The following HIVEP3 variants were observed in gnomAD, a reference collection of about 807,000 sequenced individuals.
The protein encoded by HIVEP3 is transcription factor HIVEP3.
In HIVEP3, 49 loss-of-function variants were observed where a neutral mutation model predicts 152.8. The observed-to-expected ratio is 0.32, with a 90% CI of 0.26 to 0.41. The LOEUF is 0.41. HIVEP3 is among the 10% of genes least tolerant of loss of function. The pLI, the probability that HIVEP3 is intolerant of heterozygous loss-of-function variation, is 1.00. For synonymous variants in HIVEP3, 1,269 were observed against 1,289.0 expected, an observed-to-expected ratio of 0.98 and a Z score of 0.33; for missense variants, 2,790 against 3,103.3, an observed-to-expected ratio of 0.90 and a Z score of 2.40.
intron 1 of HIVEP3, among the ~76,000 whole-genome samples, chr1:41,742,356 C>T (rs537028180): frequency 6.6e-6 from 1 of 152,340 alleles, no homozygotes; most frequent in African/African-American, 2.4e-5. Context: ...CAAAAAAGAG[C>T]TTCAACAGCT....
At chr1:41,732,371 T>A (rs1419084021) in intron 1 of HIVEP3, among the ~76,000 whole-genome samples, 1 of 152,138 alleles carries the variant, frequency 6.6e-6, no homozygotes, top group Non-Finnish European at 1.5e-5. Context: ...AGCCAGGATT[T>A]GAACTGAGGA....
At chr1:41,615,815 CTTTTTTT>C (rs747478470) in intron 3 of HIVEP3, among the ~76,000 whole-genome samples, 1 of 46,990 alleles carries the variant, frequency 2.1e-5, no homozygotes, top group Non-Finnish European at 3.9e-5. Flanking sequence ...TTTGACAAGT[CTTTTTTT>C]TTTTTTTTTT....
At chr1:41,777,170 A>C (rs1284039685) in intron 1 of HIVEP3, among the ~76,000 whole-genome samples, 2 of 152,132 alleles carry the variant, frequency 1.3e-5, no homozygotes, top group Non-Finnish European at 2.9e-5. Flanking sequence ...GCTCTCCCAG[A>C]GGCTCTCCTT....
chr1:41,553,218 C>T (rs1643915587), intron 5 of HIVEP3, among the ~76,000 whole-genome samples: 1 of 152,194 alleles, frequency 6.6e-6, no homozygotes, highest in African/African-American at 2.4e-5. Flanking sequence ...ATAGTTAGCT[C>T]TTCTTGTTGA....
At chr1:41,910,892 G>A (rs1644785280) in intron 1 of HIVEP3, among the ~76,000 whole-genome samples, 2 of 151,922 alleles carry the variant, frequency 1.3e-5, no homozygotes, top group South Asian at 2.1e-4. Flanking sequence ...CATTCTCAAG[G>A]GAAAACGTTG....
At chr1:41,761,706 TG>T (rs1647694874) in intron 1 of HIVEP3, among the ~76,000 whole-genome samples, 1 of 152,140 alleles carries the variant, frequency 6.6e-6, no homozygotes, top group Admixed American at 6.5e-5. Flanking sequence ...TGTGTGTGCA[TG>T]TATATGCATG....
intron 2 of HIVEP3, among the ~76,000 whole-genome samples, chr1:41,640,171 C>G (rs1417446633): frequency 6.6e-5 from 10 of 151,612 alleles, no homozygotes; most frequent in Admixed American, 6.6e-4. Context: ...TGGGGAGCAC[C>G]CAGCCCAGGA....
intron 1 of HIVEP3, among the ~76,000 whole-genome samples, chr1:41,837,846 GC>G (rs1352199211): frequency 1.3e-5 from 2 of 152,124 alleles, no homozygotes; most frequent in East Asian, 3.8e-4. Flanking sequence ...ATTCCACATG[GC>G]ACCACCTCTG....
intron 1 of HIVEP3, among the ~76,000 whole-genome samples, chr1:41,915,785 C>T (rs993786642): frequency 6.6e-6 from 1 of 152,200 alleles, no homozygotes; most frequent in Admixed American, 6.5e-5. Context: ...ACCTACTTTA[C>T]AGATAAGGAA....
At position 41,583,715 on chromosome 1, in the gene HIVEP3, C is replaced by T. The variant is rs146324975; in HGVS notation, c.1083G>A (p.Lys361=). 195 of 1,609,888 alleles carry T rather than the reference C, an allele frequency of 1.2e-4. No homozygotes were observed. In the African/African-American group the frequency reaches 2.4e-3, roughly 20 times the overall value. ...CGCTTAAGCGGAGGGCCAGCTTCTG[C>T]TTAATCGTGTGGGTGTCTTCAGGTT... is the stretch of plus-strand genomic sequence containing the variant. ...SHKPEDTHTI[K]QKLALRLSER... The change falls in exon 4 of 9, where the codon AAG becomes AAA. Residue 361 remains lysine, a synonymous_variant. Coordinates refer to ENST00000372583, the MANE Select transcript of HIVEP3 (RefSeq NM_024503.5). The surrounding 1 kb of genome is among the most constrained non-coding windows in gnomAD (Gnocchi z 6.9).
At chr1:41,595,508 A>T (rs2149119574) in intron 3 of HIVEP3, among the ~76,000 whole-genome samples, 1 of 152,144 alleles carries the variant, frequency 6.6e-6, no homozygotes, top group East Asian at 1.9e-4. Context: ...GAGTCAGCAT[A>T]CCCTTGTTTG....
intron 6 of HIVEP3, among the ~76,000 whole-genome samples, chr1:41,522,033 G>A (rs1365049914): frequency 6.6e-6 from 1 of 152,240 alleles, no homozygotes; most frequent in East Asian, 1.9e-4. Context: ...CACAAGAGAC[G>A]AGACACACAC....
At chr1:41,823,437 A>C (rs1642665979) in intron 1 of HIVEP3, among the ~76,000 whole-genome samples, 1 of 152,250 alleles carries the variant, frequency 6.6e-6, no homozygotes, top group African/African-American at 2.4e-5. Context: ...CCCAGGTTGC[A>C]CAGTGAGTAG....
rs1558046552 is a variant in HIVEP3 at position 41,544,884 on chromosome 1, TCTACCACCACCATCACCACCACCA to T, written c.5208-19998_5208-19975del. ...CACCACCACCACCACCACTACCACCTCTACCACCACCATCACCACCACCACTACCACCTCTACCACCACCATCAC... is the reference window on the plus strand; with the variant it reads ...CACCACCACCACCACCACTACCACCTCTACCACCTCTACCACCACCATCAC... On this transcript the variant is annotated intron_variant, in intron 5 of 8. Transcript: ENST00000372583. Among the ~76,000 whole-genome samples, 11 of 4,530 alleles carry T rather than the reference TCTACCACCACCATCACCACCACCA, an allele frequency of 2.4e-3. 1 individual carries two copies. The highest frequency in any genetic ancestry group is 3.9e-3 in the Admixed American group (2 of 512). The allele number at this position is 4,530 out of a possible 152,430, so 3.0% of individuals were successfully genotyped here.
intron 3 of HIVEP3, among the ~76,000 whole-genome samples, chr1:41,609,222 C>G (rs1027699254): frequency 6.6e-6 from 1 of 152,204 alleles, no homozygotes; most frequent in African/African-American, 2.4e-5. Flanking sequence ...GAAGATGAAC[C>G]CTTCCCATGC....
chr1:41,544,699 T>TCAC (rs61503937), intron 5 of HIVEP3, among the ~76,000 whole-genome samples: 81,341 of 99,568 alleles, frequency 0.82, 32,029 homozygotes, highest in East Asian at 0.94. Flanking sequence ...ACTGCTACCA[T>TCAC]CACCACCACC....
chr1:41,742,466 C>T (rs1647011403), intron 1 of HIVEP3, among the ~76,000 whole-genome samples: 1 of 152,230 alleles, frequency 6.6e-6, no homozygotes. Context: ...CTGCCTCCCT[C>T]CCAGCATCTG....
intron 1 of HIVEP3, among the ~76,000 whole-genome samples, chr1:41,824,735 C>A (rs1214071060): frequency 1.9e-5 from 2 of 107,352 alleles, no homozygotes; most frequent in Admixed American, 1.1e-4. Context: ...AGCCCTGTTC[C>A]AAGTTAAATA....
chr1:41,545,581 CCA>C (rs1643760429), intron 5 of HIVEP3, among the ~76,000 whole-genome samples: 1 of 112,322 alleles, frequency 8.9e-6, no homozygotes, highest in Non-Finnish European at 2.0e-5. Flanking sequence ...ACCACCACCA[CCA>C]TCACCATCAC....
Sources: gnomAD v4.1 joint callset for allele counts (sites outside exome capture counted in the v4.1 genomes callset) on GRCh38, gnomAD v4.1.1 for gene constraint, Gnocchi (gnomAD v3.1) non-coding constraint, MANE v1.5 for transcripts, NCBI Gene and HGNC (gene_info 2026-07-23, HGNC 2026-07-21) for gene names.